The following MAD1L1 variants were observed in gnomAD, a reference collection of about 807,000 sequenced individuals.
MAD1L1 encodes mitotic arrest deficient 1 like 1, also known as mitotic spindle assembly checkpoint protein MAD1.
MAD1L1 carries 95 observed loss-of-function variants against 96.9 expected under a neutral mutation model. The observed-to-expected ratio is 0.98, with a 90% confidence interval of 0.83 to 1.16. The LOEUF (loss-of-function observed/expected upper bound fraction) is 1.16. Ranked by LOEUF, MAD1L1 falls within the 50% of genes most tolerant of loss-of-function variation. The pLI, the probability that MAD1L1 is intolerant of heterozygous loss-of-function variation, is 0.00. For missense variants in MAD1L1, 1,007 were observed against 954.4 expected, an observed-to-expected ratio of 1.06 and a Z score of -0.73; for synonymous variants, 473 against 396.6, an observed-to-expected ratio of 1.19 and a Z score of -2.29.
intron 18 of MAD1L1, among the ~76,000 whole-genome samples, chr7:1,887,903 G>A (rs1383451189): frequency 6.6e-6 from 1 of 151,146 alleles, no homozygotes; most frequent in East Asian, 1.9e-4. Flanking sequence ...GCCTGTGCAT[G>A]TGTGTGCATG....
At chr7:1,953,845 G>A (rs567254637) in intron 16 of MAD1L1, among the ~76,000 whole-genome samples, 1 of 152,244 alleles carries the variant, frequency 6.6e-6, no homozygotes, top group Non-Finnish European at 1.5e-5. Context: ...GGGGCCCCAC[G>A]GGGCACAGGT....
intron 10 of MAD1L1, among the ~76,000 whole-genome samples, chr7:2,198,471 G>C (rs962530652): frequency 6.6e-6 from 1 of 152,224 alleles, no homozygotes; most frequent in Non-Finnish European, 1.5e-5. Flanking sequence ...TGAGACAAGG[G>C]GGAGCCAGCC....
intron 18 of MAD1L1, among the ~76,000 whole-genome samples, chr7:1,844,470 C>G (rs897459489): frequency 3.3e-5 from 5 of 152,228 alleles, no homozygotes; most frequent in Admixed American, 1.3e-4. Flanking sequence ...GGACGGCATT[C>G]GAGGTCCCAC....
At chr7:2,113,216 T>C (rs1562699189) in intron 11 of MAD1L1, among the ~76,000 whole-genome samples, 1 of 152,208 alleles carries the variant, frequency 6.6e-6, no homozygotes, top group Admixed American at 6.5e-5. Flanking sequence ...AAAACCGCCC[T>C]GGGGCCATGG....
chr7:1,951,132 A>G (rs1779476105), intron 16 of MAD1L1, among the ~76,000 whole-genome samples: 1 of 152,262 alleles, frequency 6.6e-6, no homozygotes, highest in Non-Finnish European at 1.5e-5. Context: ...AGACTGGCGG[A>G]TGAGCAGGAG....
chr7:1,970,330 ACT>A (rs1491318854), intron 15 of MAD1L1, among the ~76,000 whole-genome samples: 3 of 138,666 alleles, frequency 2.2e-5, no homozygotes, highest in Non-Finnish European at 4.7e-5. Context: ...TTTAATTTTT[ACT>A]TTTTTTTTTT....
chr7:1,939,030 AGGGCTGGGGC>A (rs1158682860), intron 16 of MAD1L1, among the ~76,000 whole-genome samples: 5 of 113,504 alleles, frequency 4.4e-5, no homozygotes, highest in African/African-American at 2.0e-4. Context: ...CACATGGGCC[AGGGCTGGGGC>A]CAGAGGCACA....
intron 5 of MAD1L1, chr7:2,221,142 C>G (rs1441019105): frequency 2.2e-6 from 2 of 890,752 alleles, no homozygotes; most frequent in African/African-American, 3.3e-5. Flanking sequence ...CCATCTTCCC[C>G]TCACTATGCC....
intron 18 of MAD1L1, among the ~76,000 whole-genome samples, chr7:1,831,886 T>C (rs1782720058): frequency 6.6e-6 from 1 of 152,212 alleles, no homozygotes; most frequent in African/African-American, 2.4e-5. Context: ...ACAAAATTCC[T>C]TTCAAAATAT....
intron 10 of MAD1L1, among the ~76,000 whole-genome samples, chr7:2,170,962 T>C (rs1413814220): frequency 1.3e-5 from 2 of 152,130 alleles, no homozygotes; most frequent in Non-Finnish European, 1.5e-5. Context: ...TTGGCGGTTA[T>C]AGGTGATCAA....
At chr7:1,899,089 C>A (rs930381469) in intron 17 of MAD1L1, among the ~76,000 whole-genome samples, 1 of 152,234 alleles carries the variant, frequency 6.6e-6, no homozygotes, top group Non-Finnish European at 1.5e-5. Context: ...CCCAGGCCCA[C>A]TGCCCCTGAC....
At position 2,060,106 on chromosome 7, in the gene MAD1L1, C is replaced by T. The variant is rs568978569; in HGVS notation, c.1218+9088G>A. ...GCCAAGATACGCTGATGCCGAGATA[C>T]GCCGAAGCCAAGATGCCGAGATGTC... is the stretch of plus-strand genomic sequence containing the variant. On this transcript the variant is annotated intron_variant, in intron 12 of 18. Coordinates refer to ENST00000265854, the MANE Select transcript of MAD1L1 (RefSeq NM_001013836.2). Among the ~76,000 whole-genome samples, 5 of 151,054 alleles carry T rather than the reference C, an allele frequency of 3.3e-5. 1 individual carries two copies. Among genetic ancestry groups the T allele is most frequent in the South Asian group, 4.2e-4 (2 of 4,738 alleles).
chr7:2,019,622 G>A (rs1303527089), intron 12 of MAD1L1, among the ~76,000 whole-genome samples: 1 of 152,192 alleles, frequency 6.6e-6, no homozygotes, highest in African/African-American at 2.4e-5. Context: ...GGCCACAGGG[G>A]TTGGGGGTGG....
intron 10 of MAD1L1, among the ~76,000 whole-genome samples, chr7:2,171,391 C>A (rs1193115830): frequency 1.3e-5 from 2 of 152,236 alleles, no homozygotes; most frequent in Non-Finnish European, 2.9e-5. Context: ...CACACATGCC[C>A]CACAAAGATT....
At chr7:2,189,902 G>A (rs1791640012) in intron 10 of MAD1L1, among the ~76,000 whole-genome samples, 1 of 152,098 alleles carries the variant, frequency 6.6e-6, no homozygotes, top group African/African-American at 2.4e-5. Context: ...CATGCTTCAG[G>A]AAAATCTAAA....
At chr7:1,942,648 T>C (rs1156665044) in intron 16 of MAD1L1, among the ~76,000 whole-genome samples, 1 of 152,076 alleles carries the variant, frequency 6.6e-6, no homozygotes, top group East Asian at 1.9e-4. Context: ...AGGCGGGATC[T>C]AGGTGATTAG....
intron 18 of MAD1L1, chr7:1,849,617 G>A (rs1368424340): frequency 6.6e-6 from 1 of 152,244 alleles, no homozygotes; most frequent in Non-Finnish European, 1.5e-5. Context: ...CGTGGCCCAA[G>A]AACGGGAAGC....
At chr7:1,871,416 C>A (rs374836306) in intron 18 of MAD1L1, among the ~76,000 whole-genome samples, 3 of 142,518 alleles carry the variant, frequency 2.1e-5, no homozygotes, top group African/African-American at 5.3e-5. Context: ...ACCCAACATA[C>A]GCCTGCCAAG....
At chr7:2,018,540 C>T (rs1782644611) in intron 12 of MAD1L1, among the ~76,000 whole-genome samples, 1 of 152,218 alleles carries the variant, frequency 6.6e-6, no homozygotes, top group Non-Finnish European at 1.5e-5. Flanking sequence ...GCGCCCAGCA[C>T]TCCCTAAGTC....
Sources: allele counts gnomAD v4.1 joint callset (sites outside exome capture counted in the v4.1 genomes callset), GRCh38; gene constraint gnomAD v4.1.1; transcripts MANE v1.5; gene names NCBI Gene and HGNC (gene_info 2026-07-23, HGNC 2026-07-21).